SLK: variants seen among roughly 807,000 people sequenced by gnomAD.
SLK encodes STE20-like serine/threonine-protein kinase.
SLK carries 67 observed loss-of-function variants against 147.7 expected under a neutral mutation model. The ratio of observed to expected loss-of-function variants is 0.45; its 90% confidence interval spans 0.37 to 0.56. The LOEUF is 0.56. Among genes scored for constraint, SLK ranks in the 20% least tolerant of loss-of-function variants. SLK has a pLI of 0.00. For synonymous variants in SLK, 441 were observed against 475.0 expected (o/e 0.93, Z 0.93); for missense variants, 1,136 against 1,438.8 (o/e 0.79, Z 3.41).
chr10:104,014,227 A>G (rs1208458837), intron 13 of SLK, among the ~76,000 whole-genome samples: 1 of 152,230 alleles, frequency 6.6e-6, no homozygotes, highest in East Asian at 1.9e-4. Flanking sequence ...ATGGTCAGAA[A>G]AGCCATGTTA....
chr10:103,996,639 C>T (rs907264620), intron 4 of SLK, among the ~76,000 whole-genome samples: 3 of 152,060 alleles, frequency 2.0e-5, no homozygotes, highest in Non-Finnish European at 4.4e-5. Context: ...ACCTCGTGAT[C>T]CACCCGCCTC....
Position 104,021,723 on chromosome 10 carries a change from C to G in SLK, c.3551C>G (p.Pro1184Arg), listed in dbSNP as rs1844536858. The G allele has an allele frequency of 1.3e-6, 2 of 1,567,146 alleles. No individual in the cohort carries two copies. Among genetic ancestry groups the G allele is most frequent in the Non-Finnish European group, 8.8e-7 (1 of 1,141,218 alleles). ...ELKEWREKLR[P>R]RKKTLEEEFA... ...AAGGAGTGGAGAGAGAAATTGAGAC[C>G]TAGGAAAAAGGTAATTTTAAAAGCT... The change falls in exon 18 of 19, where the codon CCT (proline) becomes CGT (arginine). Residue 1184 changes from proline (P) to arginine (R), a missense_variant. This residue lies in a region of SLK where 327 missense variants were observed against 457.5 expected (regional missense o/e 0.71). Transcript: ENST00000369755.
chr10:103,992,967 T>G lies in SLK; in HGVS notation c.365-17T>G. On this transcript the variant is annotated splice_polypyrimidine_tract_variant and intron_variant, in intron 3 of 18. Transcript: ENST00000369755. Reference sequence around the variant, plus strand: ...CTGTATAAAAAGCAGATTTTTTTTTTTACTTTCTCCTTATAGAACTTGAGA... The same window carrying G: ...CTGTATAAAAAGCAGATTTTTTTTTGTACTTTCTCCTTATAGAACTTGAGA... 6.3e-7 allele frequency: 1 copy of G among 1,595,742 alleles called. No individual in the cohort carries two copies. The highest frequency in any genetic ancestry group is 8.5e-7 in the Non-Finnish European group (1 of 1,172,040).
chr10:103,980,169 A>G (rs1043752277), intron 1 of SLK, among the ~76,000 whole-genome samples: 4 of 152,200 alleles, frequency 2.6e-5, no homozygotes, highest in Non-Finnish European at 5.9e-5. Context: ...CGCACATAGT[A>G]TATTTCCATG....
chr10:103,994,902 A>G (rs1404622925), intron 4 of SLK, among the ~76,000 whole-genome samples: 1 of 152,292 alleles, frequency 6.6e-6, no homozygotes, highest in Non-Finnish European at 1.5e-5. Flanking sequence ...ATCCTTTGGC[A>G]AGACTTACAG....
chr10:104,011,494 A>T (rs1295194436), intron 13 of SLK, among the ~76,000 whole-genome samples: 1 of 152,090 alleles, frequency 6.6e-6, no homozygotes, highest in African/African-American at 2.4e-5. Flanking sequence ...ATTTTTACCT[A>T]TATAGAGTTT....
Position 103,967,853 on chromosome 10 carries a change from T to C in SLK, c.108T>C (p.Ile36=). ...TGAACCCCGAAGACTTTTGGGAGAT[T>C]ATAGGAGAACTGGGCGACGGAGCCT... ...RDLNPEDFWE[I]IGELGDGAFG... is the part of the protein sequence containing the mutation. Residue 36 remains isoleucine, a synonymous_variant, in exon 1 of 19, where the codon ATT becomes ATC. Transcript: ENST00000369755. 6.2e-7 allele frequency: 1 copy of C among 1,613,708 alleles called. No individual in the cohort carries two copies. The highest frequency in any genetic ancestry group is 8.5e-7 in the Non-Finnish European group (1 of 1,179,878).
intron 9 of SLK, among the ~76,000 whole-genome samples, chr10:104,005,287 T>C (rs888843014): frequency 6.6e-6 from 1 of 152,212 alleles, no homozygotes; most frequent in Non-Finnish European, 1.5e-5. Flanking sequence ...AATTATAATG[T>C]GTCATAAAAG....
At chr10:104,017,727 G>T (rs556647166) in intron 13 of SLK, among the ~76,000 whole-genome samples, 1 of 152,170 alleles carries the variant, frequency 6.6e-6, no homozygotes, top group Non-Finnish European at 1.5e-5. Context: ...AGAACCACCC[G>T]TGTTGGCCTT....
At chr10:103,986,658 T>C (rs1489717747) in intron 1 of SLK, among the ~76,000 whole-genome samples, 1 of 151,298 alleles carries the variant, frequency 6.6e-6, no homozygotes, top group Non-Finnish European at 1.5e-5. Context: ...ATTAAGCCTT[T>C]ATGTGAAGAG....
intron 1 of SLK, among the ~76,000 whole-genome samples, chr10:103,980,808 T>G (rs374121268): frequency 6.6e-6 from 1 of 152,176 alleles, no homozygotes; most frequent in East Asian, 1.9e-4. Context: ...AGTATCTCTT[T>G]GAGACCCTGC....
At chr10:103,976,494 C>T (rs1274424415) in intron 1 of SLK, among the ~76,000 whole-genome samples, 1 of 151,680 alleles carries the variant, frequency 6.6e-6, no homozygotes, top group Admixed American at 6.6e-5. Flanking sequence ...TTACATTTTC[C>T]TGATGACTAA....
In SLK at chr10:104,002,962, G is replaced by T. The variant is rs753896126; in HGVS notation, c.1784G>T (p.Gly595Val). ...AAGCCCATGGTGGGTCCTGAGGCTG[G>T]TGGTACTAAGGAAGTTCCTATTAAA... ...INKPMVGPEA[G>V]GTKEVPIKEI... The change falls in exon 9 of 19, where the codon GGT becomes GTT. Residue 595 changes from glycine to valine, a missense_variant. Transcript: ENST00000369755. The T allele has an allele frequency of 6.2e-7, 1 of 1,613,712 alleles. No individual in the cohort carries two copies.
intron 1 of SLK, among the ~76,000 whole-genome samples, chr10:103,984,406 T>C (rs2134458105): frequency 6.6e-6 from 1 of 152,216 alleles, no homozygotes; most frequent in East Asian, 1.9e-4. Flanking sequence ...TCATACCCCA[T>C]TTCCTCATCT....
At chr10:104,005,789 AT>A (rs1049866667) in intron 10 of SLK, 98 bp downstream of exon 10, 330 of 1,468,008 alleles carry the variant, frequency 2.2e-4, no homozygotes, top group Middle Eastern at 3.6e-4. Flanking sequence ...TTATTGGCTA[AT>A]TTTTTTTTAT....
At chr10:103,987,142 C>T (rs1844028795) in intron 1 of SLK, among the ~76,000 whole-genome samples, 2 of 151,982 alleles carry the variant, frequency 1.3e-5, no homozygotes, top group Non-Finnish European at 1.5e-5. Flanking sequence ...GATGAGTAAT[C>T]ATGTTATTTT....
chr10:103,989,371 A>G (rs1844058464), intron 1 of SLK, among the ~76,000 whole-genome samples: 1 of 151,962 alleles, frequency 6.6e-6, no homozygotes, highest in Non-Finnish European at 1.5e-5. Context: ...GGCAACCCCA[A>G]ATGCTGGTGA....
At chr10:103,988,370 C>T (rs1377754862) in intron 1 of SLK, among the ~76,000 whole-genome samples, 7 of 152,140 alleles carry the variant, frequency 4.6e-5, no homozygotes, top group Non-Finnish European at 7.4e-5. Context: ...CCACCCTTCA[C>T]GGGTAATGAT....
rs543972274 is a variant in SLK at position 103,995,458 on chromosome 10, T to C, written c.514+2325T>C. ...TTTTTTTTTTTTTGAGTCAAAGTCT[T>C]GCTCTGTTGCCCAGGTTGGAGTGCA... On this transcript the variant is annotated intron_variant, in intron 4 of 18. Transcript: ENST00000369755. 2.7e-5 allele frequency among the ~76,000 whole-genome samples: 4 copies of C among 146,096 alleles called. No individual in the cohort carries two copies. The East Asian group carries it at 7.9e-4, about 29-fold the overall frequency.
Sources: allele counts gnomAD v4.1 joint callset (sites outside exome capture counted in the v4.1 genomes callset), GRCh38; gene constraint gnomAD v4.1.1; regional missense constraint gnomAD v4.1.1; transcripts MANE v1.5; gene names NCBI Gene and HGNC (gene_info 2026-07-23, HGNC 2026-07-21).